PCNX3: variants seen among roughly 807,000 people sequenced by gnomAD.
PCNX3 encodes pecanex 3.
A neutral mutation model predicts 207.2 loss-of-function variants in PCNX3; 58 were observed. The ratio of observed to expected loss-of-function variants is 0.28; its 90% CI spans 0.23 to 0.35. The LOEUF (loss-of-function observed/expected upper bound fraction) is 0.35, where lower values mean the gene tolerates loss of function less well. Among genes scored for constraint, PCNX3 ranks in the 10% least tolerant of loss-of-function variants. The probability of loss-of-function intolerance (pLI) is 1.00; values close to 1 mark genes in which losing one functional copy is unlikely to be tolerated. For missense variants in PCNX3, 2,410 were observed against 2,774.4 expected (o/e 0.87, Z 2.95); for synonymous variants, 1,337 against 1,183.5 (o/e 1.13, Z -2.66).
rs764898529 is a variant in PCNX3 at position 65,616,389 on chromosome 11, C to T, written c.78C>T (p.His26=). 28 of 1,610,336 alleles carry T rather than the reference C, an allele frequency of 1.7e-5. No homozygotes were observed. Among genetic ancestry groups the T allele is most frequent in the Non-Finnish European group, 2.2e-5 (26 of 1,179,250 alleles). ...CCGGCGGTTGGTTCTTCGACCCGCACCAGAGCACCTTCTCCAACTGCTTCC... is the reference window on the plus strand; with the variant it reads ...CCGGCGGTTGGTTCTTCGACCCGCATCAGAGCACCTTCTCCAACTGCTTCC... ...SLTGGWFFDP[H]QSTFSNCFHL... The change falls in exon 1 of 35, where the codon CAC becomes CAT. Residue 26 remains histidine (H), a synonymous_variant. Coordinates refer to ENST00000355703, the MANE Select transcript of PCNX3 (RefSeq NM_032223.4).
chr11:65,625,372 G>A lies in PCNX3; in HGVS notation c.3030-33G>A. 6.3e-7 allele frequency: 1 copy of A among 1,593,164 alleles called. No individual in the cohort carries two copies. Among genetic ancestry groups the A allele is most frequent in the Non-Finnish European group, 8.5e-7 (1 of 1,171,108 alleles). ...GTGACTGGGGCCGGGGGGAAGGAGG[G>A]GCGGCCTCCTCCTGACTCTTCCTCA... is the stretch of plus-strand genomic sequence containing the variant. On this transcript the variant is annotated intron_variant, in intron 17 of 34. Transcript: ENST00000355703. The surrounding 1 kb of genome is among the most constrained non-coding windows in gnomAD (Gnocchi z 5.6).
At position 65,618,511 on chromosome 11, in the gene PCNX3, C is replaced by G. The variant is rs1432066749; in HGVS notation, c.1149C>G (p.Pro383=). Residue 383 remains proline, a synonymous_variant, in exon 6 of 35, where the codon CCC becomes CCG. Coordinates refer to ENST00000355703, the MANE Select transcript of PCNX3 (RefSeq NM_032223.4). ...CTGAGCCGCTCCTGGTCGTGCGGCC[C>G]AAGGACTTGGCCCTGCTACGGCCTA... ...GLAEPLLVVR[P]KDLALLRPSK... 1 of 1,611,324 alleles carries G rather than the reference C, an allele frequency of 6.2e-7. No homozygotes were observed. Among genetic ancestry groups the G allele is most frequent in the Admixed American group, 1.7e-5 (1 of 59,856 alleles).
chr11:65,631,156 GA>G (rs1855602387), intron 27 of PCNX3, among the ~76,000 whole-genome samples: 3 of 151,938 alleles, frequency 2.0e-5, no homozygotes, highest in African/African-American at 7.3e-5. Context: ...CTGAGCCACA[GA>G]GCTTTCCTGC....
At chr11:65,623,745 AT>A (rs1437535131) in intron 12 of PCNX3, 101 bp downstream of exon 12, 4 of 1,542,686 alleles carry the variant, frequency 2.6e-6, no homozygotes, top group Non-Finnish European at 3.5e-6. Flanking sequence ...AAGGTAGATA[AT>A]TTGTCTAAGG....
chr11:65,627,382 C>G (rs766423319), intron 21 of PCNX3, 23 bp from the exon 22 acceptor site: 2 of 1,601,818 alleles, frequency 1.2e-6, no homozygotes, highest in East Asian at 2.2e-5. Flanking sequence ...ACCAAGCACC[C>G]GATGCCTGCC....
chr11:65,625,041 G>A lies in PCNX3; in HGVS notation c.2919+25G>A, dbSNP rs1223546836. 3 of 1,601,858 alleles carry A rather than the reference G, an allele frequency of 1.9e-6. No homozygotes were observed. The highest frequency in any genetic ancestry group is 1.3e-5 in the African/African-American group (1 of 74,766). ...GGTAGGGGTGGCTTGCGAGGTGGGG[G>A]CATGCTGCAGTGCGTAAGGGTGGTT... On this transcript the variant is annotated intron_variant, in intron 16 of 34. Transcript: ENST00000355703. The surrounding 1 kb of genome is among the most constrained non-coding windows in gnomAD (Gnocchi z 5.6).
chr11:65,620,077 A>G lies in PCNX3; in HGVS notation c.2008+145A>G, dbSNP rs926344074. 59 of 973,774 alleles carry G rather than the reference A, an allele frequency of 6.1e-5. No individual in the cohort carries two copies. The Admixed American group carries it at 7.3e-4, about 12-fold the overall frequency. 60.3% of individuals were successfully genotyped at this position (973,774 alleles called of 1,614,324 possible). The stretch of plus-strand genomic sequence containing the variant: ...ATCATCCTTGCAGCCTCTTTGAGGC[A>G]CGGTGTCTCTGTCATCTTTTGCTCT... On this transcript the variant is annotated intron_variant, in intron 8 of 34. Coordinates refer to ENST00000355703, the MANE Select transcript of PCNX3 (RefSeq NM_032223.4).
chr11:65,636,532 C>T lies in PCNX3; in HGVS notation c.5735C>T (p.Pro1912Leu). ...GGACCACCCCCTGCATCGCCTATCCCCACAGAGGGTCCCCGGACCTCACGG... is the reference window on the plus strand; with the variant it reads ...GGACCACCCCCTGCATCGCCTATCCTCACAGAGGGTCCCCGGACCTCACGG... The part of the protein sequence containing the change: ...LPGPPPASPI[P>L]TEGPRTSRPP... Residue 1912 changes from proline (P) to leucine (L), a missense_variant, in exon 34 of 35, where the codon CCC (proline) becomes CTC (leucine). Physicochemically the swap from Pro to Leu is moderately conservative, Grantham distance 98 (BLOSUM62 -3). Transcript: ENST00000355703. 4.4e-6 allele frequency: 7 copies of T among 1,591,732 alleles called. No individual in the cohort carries two copies. Among genetic ancestry groups the T allele is most frequent in the Non-Finnish European group, 5.1e-6 (6 of 1,170,950 alleles).
In PCNX3 at chr11:65,618,425, T is replaced by TCAGATGACA. The variant is rs1230243221; in HGVS notation, c.1065_1073dup (p.Asp356_Thr358dup). ...TGCCTCACCAGACGCCGGGGTCCCC[T>TCAGATGACA]CAGATGACACGCTGCGTTCCTTTGA... is the stretch of plus-strand genomic sequence containing the variant. On this transcript the variant is annotated inframe_insertion, in exon 6 of 35. Coordinates refer to ENST00000355703, the MANE Select transcript of PCNX3 (RefSeq NM_032223.4). 1 of 1,612,224 alleles carries TCAGATGACA rather than the reference T, an allele frequency of 6.2e-7. No individual in the cohort carries two copies. The highest frequency in any genetic ancestry group is 2.2e-5 in the East Asian group (1 of 44,848).
chr11:65,627,190 C>A, intron 21 of PCNX3, 142 bp downstream of exon 21: 1 of 1,279,662 alleles, frequency 7.8e-7, no homozygotes, highest in Non-Finnish European at 1.0e-6. Flanking sequence ...GACACGCCAT[C>A]CCAGGAAGTG....
At chr11:65,630,655 C>G in intron 27 of PCNX3, 51 bp downstream of exon 27, 1 of 1,579,868 alleles carries the variant, frequency 6.3e-7, no homozygotes, top group Middle Eastern at 2.1e-4. Context: ...GGTGAGCGCT[C>G]GCTGACCAGA....
chr11:65,616,512 G>A (rs1372048696), intron 1 of PCNX3, 48 bp downstream of exon 1: 1 of 1,558,276 alleles, frequency 6.4e-7, no homozygotes, highest in Non-Finnish European at 8.7e-7. Flanking sequence ...AGGGAGGGCA[G>A]CCTGGCAGGG....
intron 26 of PCNX3, among the ~76,000 whole-genome samples, chr11:65,630,016 C>T (rs1196423421): frequency 6.6e-6 from 1 of 152,242 alleles, no homozygotes; most frequent in Non-Finnish European, 1.5e-5. Flanking sequence ...GTTCTCACAC[C>T]CAGCCTGCTC....
chr11:65,626,055 G>T lies in PCNX3; in HGVS notation c.3379+1G>T. On this transcript the variant is annotated splice_donor_variant, in intron 20 of 34. Coordinates refer to ENST00000355703, the MANE Select transcript of PCNX3 (RefSeq NM_032223.4). LOFTEE classifies it high-confidence loss of function. ...GAGTACAGCCAGTATGAAGTGCGCG[G>T]TGAGTGCCCACCCCTGATGGCCAGG... 1 of 1,599,514 alleles carries T rather than the reference G, an allele frequency of 6.3e-7. No individual in the cohort carries two copies.
intron 20 of PCNX3, 160 bp downstream of exon 20, chr11:65,626,214 C>T (rs539949053): frequency 1.1e-4 from 116 of 1,050,866 alleles, no homozygotes; most frequent in African/African-American, 3.6e-4. Context: ...CCGTGTTGCC[C>T]GGCTGCGCTC....
intron 20 of PCNX3, 120 bp downstream of exon 20, chr11:65,626,174 C>T: frequency 1.5e-6 from 2 of 1,338,230 alleles, no homozygotes; most frequent in South Asian, 1.3e-5. Context: ...GCCCACACTA[C>T]CCTTTCTGCT....
chr11:65,626,800 C>G, intron 20 of PCNX3, 104 bp from the exon 21 acceptor site: 1 of 1,505,144 alleles, frequency 6.6e-7, no homozygotes. Context: ...CCCCCAGGGT[C>G]TCCGAGGAGT....
Position 65,622,382 on chromosome 11 carries a change from C to T in PCNX3, c.2357+16C>T. 1 of 1,585,500 alleles carries T rather than the reference C, an allele frequency of 6.3e-7. No individual in the cohort carries two copies. Among genetic ancestry groups the T allele is most frequent in the Non-Finnish European group, 8.6e-7 (1 of 1,168,848 alleles). ...TGCTGGACCGGTGAGTGTCCCGCAG[C>T]CTTGGCCCCCAATTCTTGGAAAGCC... On this transcript the variant is annotated intron_variant, in intron 11 of 34. Coordinates refer to ENST00000355703, the MANE Select transcript of PCNX3 (RefSeq NM_032223.4).
Position 65,618,670 on chromosome 11 carries a change from CCGAT to C in PCNX3, c.1311_1314del (p.Gln439AlafsTer65). The C allele has an allele frequency of 6.2e-7, 1 of 1,613,338 alleles. No homozygotes were observed. Among genetic ancestry groups the C allele is most frequent in the Non-Finnish European group, 8.5e-7 (1 of 1,179,852 alleles). ...GTGAACTGAGCCCGGCCTCCAGTCT[CCGAT>C]CGCAGCGCCGCTACAGTACTGACAG... On this transcript the variant is annotated frameshift_variant, in exon 6 of 35. Coordinates refer to ENST00000355703, the MANE Select transcript of PCNX3 (RefSeq NM_032223.4). LOFTEE classifies it high-confidence loss of function.
Sources: allele counts gnomAD v4.1 joint callset (sites outside exome capture counted in the v4.1 genomes callset), GRCh38; gene constraint gnomAD v4.1.1; non-coding constraint Gnocchi (gnomAD v3.1); transcripts MANE v1.5; gene names NCBI Gene and HGNC (gene_info 2026-07-23, HGNC 2026-07-21).